The following EFR3A variants were observed in gnomAD, a reference collection of about 807,000 sequenced individuals.
EFR3A encodes the protein protein EFR3 homolog A.
EFR3A carries 76 observed loss-of-function variants against 104.4 expected under a neutral mutation model. That is an observed-to-expected ratio of 0.73 (90% CI 0.60 to 0.88). The LOEUF is 0.88. EFR3A is among the 40% of genes least tolerant of loss of function. The probability of loss-of-function intolerance (pLI) is 0.00; values close to 1 mark genes in which losing one functional copy is unlikely to be tolerated. For missense variants in EFR3A, 985 were observed against 1,012.5 expected (o/e 0.97, Z 0.37); for synonymous variants, 330 against 330.0 (o/e 1.00, Z 0.00).
intron 7 of EFR3A, among the ~76,000 whole-genome samples, chr8:131,956,690 A>C (rs1264986007): frequency 6.6e-6 from 1 of 152,150 alleles, no homozygotes; most frequent in African/African-American, 2.4e-5. Flanking sequence ...CTTAGCCTAG[A>C]GTTCAAAGTT....
intron 6 of EFR3A, among the ~76,000 whole-genome samples, chr8:131,955,423 A>G (rs1226582481): frequency 6.6e-6 from 1 of 152,240 alleles, no homozygotes; most frequent in African/African-American, 2.4e-5. Context: ...TAAATTAAGG[A>G]TACCTAAAGA....
intron 1 of EFR3A, among the ~76,000 whole-genome samples, chr8:131,936,854 C>T (rs750103189): frequency 6.6e-6 from 1 of 152,092 alleles, no homozygotes; most frequent in Non-Finnish European, 1.5e-5. Flanking sequence ...TGTCCAGCCA[C>T]CTGGAAGCCC....
intron 10 of EFR3A, among the ~76,000 whole-genome samples, chr8:131,972,094 T>G (rs926165371): frequency 6.6e-6 from 1 of 152,194 alleles, no homozygotes; most frequent in Non-Finnish European, 1.5e-5. Context: ...TCTACCTTTC[T>G]ATGTATGTAG....
chr8:131,904,171 G>A lies in EFR3A; in HGVS notation c.-142G>A. On this transcript the variant is annotated 5_prime_UTR_variant, in exon 1 of 23. Coordinates refer to ENST00000254624, the MANE Select transcript of EFR3A (RefSeq NM_015137.6). ...TTGGTTGCGTGACCGCGGGGTCCGC[G>A]TCCGCTCCCTCCACCCTTCGCCCTT... 3 of 997,054 alleles carry A rather than the reference G, an allele frequency of 3.0e-6. No individual in the cohort carries two copies. The highest frequency in any genetic ancestry group is 3.9e-6 in the Non-Finnish European group (3 of 774,476). 61.8% of individuals were successfully genotyped at this position (997,054 alleles called of 1,614,324 possible). A position where few individuals can be genotyped will look rare whatever the true frequency, so the allele number is the denominator to read the frequency against.
chr8:131,965,993 T>C (rs1027284710), intron 8 of EFR3A, among the ~76,000 whole-genome samples: 2 of 151,962 alleles, frequency 1.3e-5, no homozygotes, highest in East Asian at 1.9e-4. Context: ...TTCTCACTCA[T>C]AGGTGGGAAT....
intron 3 of EFR3A, among the ~76,000 whole-genome samples, 182 bp downstream of exon 3, chr8:131,945,054 C>T (rs1818366574): frequency 2.0e-5 from 3 of 151,800 alleles, no homozygotes; most frequent in Admixed American, 2.0e-4. Context: ...TTATTACTTT[C>T]CTGGTGGTCA....
intron 6 of EFR3A, 92 bp downstream of exon 6, chr8:131,954,059 C>G: frequency 2.4e-6 from 3 of 1,232,266 alleles, no homozygotes; most frequent in South Asian, 2.0e-5. Context: ...CTTTAGTACT[C>G]TGTAAACAGT....
chr8:131,996,106 G>T (rs1821467903), intron 18 of EFR3A, among the ~76,000 whole-genome samples: 1 of 151,966 alleles, frequency 6.6e-6, no homozygotes, highest in Admixed American at 6.6e-5. Flanking sequence ...ACATTGACTT[G>T]CTTTTTTTAA....
chr8:131,904,179 C>T lies in EFR3A; in HGVS notation c.-134C>T. On this transcript the variant is annotated 5_prime_UTR_variant, in exon 1 of 23. Transcript: ENST00000254624. ...GTGACCGCGGGGTCCGCGTCCGCTC[C>T]CTCCACCCTTCGCCCTTCGCCCTTC... The T allele has an allele frequency of 9.5e-7, 1 of 1,054,432 alleles. No individual in the cohort carries two copies. Among genetic ancestry groups the T allele is most frequent in the Non-Finnish European group, 1.2e-6 (1 of 824,470 alleles). 65.3% of individuals were successfully genotyped at this position (1,054,432 alleles called of 1,614,324 possible).
At chr8:131,999,247 T>A (rs957156587) in intron 19 of EFR3A, among the ~76,000 whole-genome samples, 1 of 152,192 alleles carries the variant, frequency 6.6e-6, no homozygotes, top group Non-Finnish European at 1.5e-5. Flanking sequence ...AAATAACAGA[T>A]CTTTGTTTTA....
At chr8:131,932,218 T>C (rs1305078021) in intron 1 of EFR3A, among the ~76,000 whole-genome samples, 9 of 152,216 alleles carry the variant, frequency 5.9e-5, no homozygotes, top group East Asian at 5.8e-4. Context: ...TATGAGAATT[T>C]TTCTGTTTTG....
chr8:131,935,417 C>A, intron 1 of EFR3A: 1 of 351,764 alleles, frequency 2.8e-6, no homozygotes. Context: ...TGTAAACGAG[C>A]AGTAGATTGT....
chr8:131,915,247 T>A (rs1358404752), intron 1 of EFR3A, among the ~76,000 whole-genome samples: 2 of 152,188 alleles, frequency 1.3e-5, no homozygotes, highest in East Asian at 3.9e-4. Flanking sequence ...TTATAATCAA[T>A]AGCTCGGGAA....
chr8:131,969,890 A>C (rs1819955417), intron 9 of EFR3A, among the ~76,000 whole-genome samples: 1 of 152,192 alleles, frequency 6.6e-6, no homozygotes, highest in South Asian at 2.1e-4. Context: ...AATCAAGAGT[A>C]AAAGGCAGAA....
chr8:131,999,700 TA>T (rs200463770), intron 19 of EFR3A, among the ~76,000 whole-genome samples: 6,628 of 140,964 alleles, frequency 0.047, 319 homozygotes, highest in African/African-American at 0.12. Flanking sequence ...CAGTTAGTCT[TA>T]AAAAAAAAAA....
At chr8:131,957,350 CTTTTT>C (rs1185442281) in intron 7 of EFR3A, among the ~76,000 whole-genome samples, 2 of 125,960 alleles carry the variant, frequency 1.6e-5, no homozygotes, top group Admixed American at 8.1e-5. Context: ...GGGCCAGGGT[CTTTTT>C]TTTTTTTTTT....
chr8:131,906,679 AC>A (rs1816280101), intron 1 of EFR3A, among the ~76,000 whole-genome samples: 1 of 152,098 alleles, frequency 6.6e-6, no homozygotes, highest in East Asian at 1.9e-4. Flanking sequence ...AGATCCGTAG[AC>A]TCTTTGAGAA....
intron 18 of EFR3A, among the ~76,000 whole-genome samples, chr8:131,995,359 C>T (rs1349810904): frequency 6.6e-6 from 1 of 152,142 alleles, no homozygotes; most frequent in African/African-American, 2.4e-5. Context: ...ACTTTCATCA[C>T]ACTTTAATAA....
intron 17 of EFR3A, among the ~76,000 whole-genome samples, chr8:131,986,557 G>A (rs1820894633): frequency 6.6e-6 from 1 of 152,140 alleles, no homozygotes; most frequent in Non-Finnish European, 1.5e-5. Context: ...GCTGAGGCGG[G>A]TGAATCACCT....
Sources: allele counts gnomAD v4.1 joint callset (sites outside exome capture counted in the v4.1 genomes callset), GRCh38; gene constraint gnomAD v4.1.1; transcripts MANE v1.5; gene names NCBI Gene and HGNC (gene_info 2026-07-23, HGNC 2026-07-21).